The following INTS10 variants were observed in gnomAD, a reference collection of about 807,000 sequenced individuals.
INTS10 encodes the protein chromosome 8 open reading frame 35.
A neutral mutation model predicts 94.4 loss-of-function variants in INTS10; 44 were observed. The ratio of observed to expected loss-of-function variants is 0.47; its 90% confidence interval spans 0.37 to 0.60. The LOEUF (loss-of-function observed/expected upper bound fraction) is 0.60. Ranked by LOEUF, INTS10 falls within the 20% of genes least tolerant of loss-of-function variation. The pLI is 0.00. For synonymous variants in INTS10, 341 were observed against 320.7 expected, an observed-to-expected ratio of 1.06 and a Z score of -0.68; for missense variants, 797 against 868.7, an observed-to-expected ratio of 0.92 and a Z score of 1.04.
At position 19,849,309 on chromosome 8, in the gene INTS10, G is replaced by C; in HGVS notation, c.1977-2340G>C. On this transcript the variant is annotated intron_variant, in intron 16 of 16. Transcript: ENST00000397977. This position sits in a 1 kb window ranked among gnomAD's most constrained non-coding sequence, Gnocchi z 4.6. ...ACATGTTCGCTGCCCATGGTTCTCA[G>C]CTCTTCGTTCCTCAGTGCTCTTTTT... 1.4e-6 allele frequency: 1 copy of C among 721,464 alleles called. No homozygotes were observed. The highest frequency in any genetic ancestry group is 1.5e-5 in the South Asian group (1 of 64,794). 44.7% of individuals were successfully genotyped at this position (721,464 alleles called of 1,614,324 possible).
In INTS10 at chr8:19,849,983, C is replaced by G. The variant is rs1590083203; in HGVS notation, c.1977-1666C>G. 6.6e-6 allele frequency among the ~76,000 whole-genome samples: 1 copy of G among 151,898 alleles called. No homozygotes were observed. Among genetic ancestry groups the G allele is most frequent in the South Asian group, 2.1e-4 (1 of 4,810 alleles). ...TTAAAAGCAGGGTTTATTAGCCAGG[C>G]CTGGTGGCATATGCCTGTAATCCCA... On this transcript the variant is annotated intron_variant, in intron 16 of 16. Coordinates refer to ENST00000397977, the MANE Select transcript of INTS10 (RefSeq NM_018142.4). This position sits in a 1 kb window ranked among gnomAD's most constrained non-coding sequence, Gnocchi z 4.6.
At chr8:19,842,690 A>T (rs2068223853) in intron 13 of INTS10, among the ~76,000 whole-genome samples, 158 bp from the exon 14 acceptor site, 1 of 152,252 alleles carries the variant, frequency 6.6e-6, no homozygotes, top group Non-Finnish European at 1.5e-5. Flanking sequence ...TTTCACCATC[A>T]CAAAGTATAA....
At position 19,842,942 on chromosome 8, in the gene INTS10, G is replaced by T; in HGVS notation, c.1719+15G>T. On this transcript the variant is annotated intron_variant, in intron 14 of 16. Coordinates refer to ENST00000397977, the MANE Select transcript of INTS10 (RefSeq NM_018142.4). The stretch of plus-strand genomic sequence containing the variant: ...CCTGTTTTAAGGTAAGCTTAAAGTT[G>T]ATTAGCTTGAAAAAAAATGTAATTT... 6.7e-7 allele frequency: 1 copy of T among 1,497,650 alleles called. No individual in the cohort carries two copies. The highest frequency in any genetic ancestry group is 1.1e-5 in the South Asian group (1 of 88,096). 92.8% of individuals were successfully genotyped at this position (1,497,650 alleles called of 1,614,324 possible).
chr8:19,818,356 T>C lies in INTS10; in HGVS notation c.197+14T>C. 1 of 1,612,668 alleles carries C rather than the reference T, an allele frequency of 6.2e-7. No individual in the cohort carries two copies. Among genetic ancestry groups the C allele is most frequent in the Non-Finnish European group, 8.5e-7 (1 of 1,179,306 alleles). ...GCTGTACGACATGTGAGTGGGACGC[T>C]TGACATCACTTTTACTGCACTGAAT... On this transcript the variant is annotated intron_variant, in intron 2 of 16. Coordinates refer to ENST00000397977, the MANE Select transcript of INTS10 (RefSeq NM_018142.4).
chr8:19,841,805 A>C, intron 13 of INTS10: 1 of 455,988 alleles, frequency 2.2e-6, no homozygotes, highest in Non-Finnish European at 4.4e-6. Context: ...GTGTTTTTCA[A>C]GCTGTGAGTT....
At position 19,822,875 on chromosome 8, in the gene INTS10, G is replaced by A. The variant is rs558418300; in HGVS notation, c.523+355G>A. Among the ~76,000 whole-genome samples the A allele has an allele frequency of 2.6e-5, 4 of 152,126 alleles. No individual in the cohort carries two copies. The South Asian group carries it at 8.3e-4, about 32-fold the overall frequency. On this transcript the variant is annotated intron_variant, in intron 5 of 16. Coordinates refer to ENST00000397977, the MANE Select transcript of INTS10 (RefSeq NM_018142.4). ...TGAGGCAGGAGAGTCGCTTGAAACT[G>A]GGAGGCGGAGGTTGCAGTAAGCCGA...
chr8:19,842,743 T>C (rs1464229764), intron 13 of INTS10, 105 bp from the exon 14 acceptor site: 1 of 662,072 alleles, frequency 1.5e-6, no homozygotes, highest in South Asian at 2.0e-5. Context: ...TGTTGCATAT[T>C]CTCTTTTTTG....
Position 19,846,641 on chromosome 8 carries a change from G to A in INTS10, c.1976+844G>A, listed in dbSNP as rs1266484118. 6.6e-6 allele frequency among the ~76,000 whole-genome samples: 1 copy of A among 152,176 alleles called. No homozygotes were observed. Among genetic ancestry groups the A allele is most frequent in the East Asian group, 1.9e-4 (1 of 5,188 alleles). ...CACCTGTCCCAAGAAATGATGGTGG[G>A]AGTGGTTGGTCTCCACCATGCTCCC... On this transcript the variant is annotated intron_variant, in intron 16 of 16. Coordinates refer to ENST00000397977, the MANE Select transcript of INTS10 (RefSeq NM_018142.4). This position sits in a 1 kb window ranked among gnomAD's most constrained non-coding sequence, Gnocchi z 4.2.
chr8:19,839,554 T>C (rs2067950339), intron 13 of INTS10, among the ~76,000 whole-genome samples: 1 of 151,696 alleles, frequency 6.6e-6, no homozygotes, highest in South Asian at 2.1e-4. Context: ...TAAAAATCAG[T>C]CAGGCTTAGT....
At chr8:19,824,368 TGTA>T in intron 7 of INTS10, 1 of 209,976 alleles carries the variant, frequency 4.8e-6, no homozygotes, top group Non-Finnish European at 9.4e-6. Context: ...GATGCGTGCC[TGTA>T]GTCCCAGCTA....
chr8:19,847,726 A>C (rs938366877), intron 16 of INTS10, among the ~76,000 whole-genome samples: 3 of 152,198 alleles, frequency 2.0e-5, no homozygotes, highest in Non-Finnish European at 4.4e-5. Flanking sequence ...ACCAGTTTTT[A>C]CTGAGCTGAA....
Position 19,845,701 on chromosome 8 carries a change from C to T in INTS10, c.1883-3C>T, listed in dbSNP as rs919099342. ...ATGTGGTTAACCTGAATCTGGCCTG[C>T]AGATATTGATATGCTGGAGGAATTT... is the stretch of plus-strand genomic sequence containing the variant. On this transcript the variant is annotated splice_region_variant and splice_polypyrimidine_tract_variant and intron_variant, in intron 15 of 16. Transcript: ENST00000397977. 1.2e-6 allele frequency: 2 copies of T among 1,609,562 alleles called. No homozygotes were observed. The highest frequency in any genetic ancestry group is 2.7e-5 in the African/African-American group (2 of 74,788).
rs988282715 is a variant in INTS10 at position 19,822,466 on chromosome 8, G to T, written c.469G>T (p.Ala157Ser). ...TGGCCTTGGGGAGGCACTATTAGAGGCTGAAACTATTGAAGAACAAGAATC... is the reference window on the plus strand; with the variant it reads ...TGGCCTTGGGGAGGCACTATTAGAGTCTGAAACTATTGAAGAACAAGAATC... ...GVGLGEALLE[A>S]ETIEEQESPV... The change falls in exon 5 of 17, where the codon GCT (alanine) becomes TCT (serine). Residue 157 changes from alanine to serine, a missense_variant. Physicochemically the swap from Ala to Ser is moderately conservative, Grantham distance 99 (BLOSUM62 1). Transcript: ENST00000397977. 6.2e-7 allele frequency: 1 copy of T among 1,611,944 alleles called. No homozygotes were observed. Among genetic ancestry groups the T allele is most frequent in the African/African-American group, 1.3e-5 (1 of 74,888 alleles).
chr8:19,824,181 A>G (rs1589938345), intron 7 of INTS10, 137 bp downstream of exon 7: 1 of 634,338 alleles, frequency 1.6e-6, no homozygotes. Context: ...GCAAAAGAGG[A>G]TGGTTTTTCA....
chr8:19,845,848 C>T (rs2068535509), intron 16 of INTS10, 51 bp downstream of exon 16: 3 of 1,266,752 alleles, frequency 2.4e-6, no homozygotes, highest in Non-Finnish European at 3.5e-6. Context: ...CCTTTTGTGT[C>T]TTTGTATGAA....
At position 19,819,669 on chromosome 8, in the gene INTS10, T is replaced by A; in HGVS notation, c.294T>A (p.Phe98Leu). Reference sequence around the variant, plus strand: ...ATTCACAGGACAAACAAACCCAATTTTTAAGAAGTAAGAATAATGGTGTAT... The same window carrying A: ...ATTCACAGGACAAACAAACCCAATTATTAAGAAGTAAGAATAATGGTGTAT... Reference protein sequence around the residue: ...RNDSQDKQTQFLRSLFETLPG... With the variant: ...RNDSQDKQTQLLRSLFETLPG... The change falls in exon 3 of 17, where the codon TTT (phenylalanine) becomes TTA (leucine). Residue 98 changes from phenylalanine (F) to leucine (L), a missense_variant. Phe to Leu is a conservative substitution (Grantham distance 22). Transcript: ENST00000397977. 6.2e-7 allele frequency: 1 copy of A among 1,608,090 alleles called. No individual in the cohort carries two copies. Among genetic ancestry groups the A allele is most frequent in the Non-Finnish European group, 8.5e-7 (1 of 1,174,780 alleles).
In INTS10 at chr8:19,844,244, C is replaced by T. The variant is rs760584494; in HGVS notation, c.1882+6C>T. ...TTTTTTCAATTACGTTACAAGTATC[C>T]TTTTTTCTTGTTTAAGCATAACACA... On this transcript the variant is annotated splice_donor_region_variant and intron_variant, in intron 15 of 16. Coordinates refer to ENST00000397977, the MANE Select transcript of INTS10 (RefSeq NM_018142.4). 147 of 1,589,802 alleles carry T rather than the reference C, an allele frequency of 9.2e-5. No individual in the cohort carries two copies. The highest frequency in any genetic ancestry group is 1.3e-4 in the Non-Finnish European group (145 of 1,159,812).
intron 16 of INTS10, 136 bp downstream of exon 16, chr8:19,845,933 G>C: frequency 2.0e-6 from 1 of 509,870 alleles, no homozygotes; most frequent in Non-Finnish European, 3.5e-6. Context: ...ATGATAGTTT[G>C]ATTCTGGGTA....
chr8:19,818,726 T>G (rs2066134403), intron 2 of INTS10: 1 of 189,190 alleles, frequency 5.3e-6, no homozygotes. Context: ...AATAAGGTTT[T>G]GGGGGGAAGG....
Sources: allele counts gnomAD v4.1 joint callset (sites outside exome capture counted in the v4.1 genomes callset), GRCh38; gene constraint gnomAD v4.1.1; non-coding constraint Gnocchi (gnomAD v3.1); transcripts MANE v1.5; gene names NCBI Gene and HGNC (gene_info 2026-07-23, HGNC 2026-07-21).